YY1: variants seen among roughly 807,000 people sequenced by gnomAD.
The protein encoded by YY1 is transcriptional repressor protein YY1.
A neutral mutation model predicts 35.6 loss-of-function variants in YY1; 2 were observed. That is an observed-to-expected ratio of 0.06 (90% CI 0.02 to 0.18). YY1 has a LOEUF of 0.18. Among genes scored for constraint, YY1 ranks in the 10% least tolerant of loss-of-function variants. YY1 has a pLI of 1.00. For missense variants in YY1, 322 were observed against 573.4 expected (o/e 0.56, Z 4.48); for synonymous variants, 268 against 238.9 (o/e 1.12, Z -1.12).
intron 2 of YY1, among the ~76,000 whole-genome samples, chr14:100,272,314 G>C (rs1227526243): frequency 6.7e-6 from 1 of 150,042 alleles, no homozygotes; most frequent in Non-Finnish European, 1.5e-5. Flanking sequence ...AAAAAAGAAA[G>C]AAAAGGAAAA....
chr14:100,249,312 G>T (rs560853090), intron 1 of YY1, among the ~76,000 whole-genome samples: 27 of 151,484 alleles, frequency 1.8e-4, no homozygotes, highest in Admixed American at 1.1e-3. Flanking sequence ...GTAGAGATGG[G>T]GTTGCACCAT....
chr14:100,266,169 T>TC (rs1028964022), intron 2 of YY1, among the ~76,000 whole-genome samples: 2 of 151,586 alleles, frequency 1.3e-5, no homozygotes, highest in African/African-American at 2.4e-5. Context: ...TTCAGTTACC[T>TC]CCCCCCGGGT....
intron 2 of YY1, among the ~76,000 whole-genome samples, chr14:100,269,859 A>G (rs1891208224): frequency 6.6e-6 from 1 of 152,208 alleles, no homozygotes; most frequent in African/African-American, 2.4e-5. Context: ...CATTTTAAGA[A>G]AAAATAATAC....
chr14:100,271,674 C>CT (rs202133438), intron 2 of YY1, among the ~76,000 whole-genome samples: 184 of 146,664 alleles, frequency 1.3e-3, no homozygotes, highest in African/African-American at 3.0e-3. Flanking sequence ...CAATTCTGTA[C>CT]TTTTTTTTTT....
chr14:100,249,993 G>A lies in YY1; in HGVS notation c.679+10070G>A, dbSNP rs144025460. Among the ~76,000 whole-genome samples, 74 of 152,142 alleles carry A rather than the reference G, an allele frequency of 4.9e-4. 2 individuals are homozygous for A. Among genetic ancestry groups the A allele is most frequent in the African/African-American group, 1.5e-3 (64 of 41,510 alleles). On this transcript the variant is annotated intron_variant, in intron 1 of 4. Coordinates refer to ENST00000262238, the MANE Select transcript of YY1 (RefSeq NM_003403.5). Reference sequence around the variant, plus strand: ...TCTGCATGTTGGTCAGGCTGGTCTCGAACTCCCGACCTCAGGTGATCTGTC... The same window carrying A: ...TCTGCATGTTGGTCAGGCTGGTCTCAAACTCCCGACCTCAGGTGATCTGTC...
rs1891397989 is a variant in YY1 at position 100,280,351 on chromosome 14, C to G, written c.*2751C>G. 6.6e-6 allele frequency: 1 copy of G among 152,156 alleles called. No individual in the cohort carries two copies. Among genetic ancestry groups the G allele is most frequent in the South Asian group, 2.1e-4 (1 of 4,832 alleles). 9.4% of individuals were successfully genotyped at this position (152,156 alleles called of 1,614,324 possible). A position where few individuals can be genotyped will look rare whatever the true frequency, so the allele number is the denominator to read the frequency against. On this transcript the variant is annotated 3_prime_UTR_variant, in exon 5 of 5. Coordinates refer to ENST00000262238, the MANE Select transcript of YY1 (RefSeq NM_003403.5). ...TCTGAGCAGAAATAAATGCATGTTT[C>G]TAGCATATGTAATATAAAAACTCCA... is the stretch of plus-strand genomic sequence containing the variant.
chr14:100,266,744 G>A (rs1251571765), intron 2 of YY1, among the ~76,000 whole-genome samples: 4 of 152,160 alleles, frequency 2.6e-5, no homozygotes, highest in Non-Finnish European at 5.9e-5. Context: ...TTCAGTAGCA[G>A]GGGATAATTA....
At chr14:100,240,983 T>A (rs1890730920) in intron 1 of YY1, among the ~76,000 whole-genome samples, 1 of 152,226 alleles carries the variant, frequency 6.6e-6, no homozygotes, top group Admixed American at 6.5e-5. Flanking sequence ...TTTTGAGTTT[T>A]GTTTTACTGT....
At chr14:100,243,212 G>GA (rs1294104837) in intron 1 of YY1, among the ~76,000 whole-genome samples, 2 of 152,240 alleles carry the variant, frequency 1.3e-5, no homozygotes, top group East Asian at 3.8e-4. Flanking sequence ...GTGGAGAAAT[G>GA]AAAGTGGGTT....
In YY1 at chr14:100,277,635, G is replaced by C. The variant is rs1213307101; in HGVS notation, c.*35G>C. 1 of 1,604,672 alleles carries C rather than the reference G, an allele frequency of 6.2e-7. No individual in the cohort carries two copies. The highest frequency in any genetic ancestry group is 1.7e-5 in the Admixed American group (1 of 59,776). On this transcript the variant is annotated 3_prime_UTR_variant, in exon 5 of 5. Coordinates refer to ENST00000262238, the MANE Select transcript of YY1 (RefSeq NM_003403.5). This position sits in a 1 kb window ranked among gnomAD's most constrained non-coding sequence, Gnocchi z 5.6. ...AGAAGACCCTTCTCGACCACGGGAA[G>C]CATCTTCCAGAAGTGTGATTGGGAA...
intron 2 of YY1, among the ~76,000 whole-genome samples, chr14:100,267,747 C>T (rs530715928): frequency 1.3e-5 from 2 of 152,298 alleles, no homozygotes; most frequent in South Asian, 2.1e-4. Flanking sequence ...TGGTCTCGAT[C>T]TCTCGACCTC....
At chr14:100,262,668 G>A (rs1182590299) in intron 2 of YY1, among the ~76,000 whole-genome samples, 1 of 152,152 alleles carries the variant, frequency 6.6e-6, no homozygotes, top group Non-Finnish European at 1.5e-5. Context: ...CCAGACTGGA[G>A]TGCAGTGGTG....
intron 1 of YY1, among the ~76,000 whole-genome samples, chr14:100,249,100 ATTTTTTTTTTT>A (rs60088505): frequency 0.02 from 919 of 46,804 alleles, 12 homozygotes; most frequent in African/African-American, 0.06. Flanking sequence ...TTCTCGTGTA[ATTTTTTTTTTT>A]TTTTTTTTTT....
Position 100,239,881 on chromosome 14 carries a change from A to G in YY1, c.637A>G (p.Lys213Glu). Residue 213 changes from lysine (K) to glutamate (E), a missense_variant, in exon 1 of 5, where the codon AAG (lysine) becomes GAG (glutamate). Lys to Glu is a moderately conservative substitution (Grantham distance 56, BLOSUM62 1). Around this residue, in one of 4 missense-constraint regions of YY1, gnomAD observed 152 missense variants for 167.1 expected, o/e 0.91. Coordinates refer to ENST00000262238, the MANE Select transcript of YY1 (RefSeq NM_003403.5). The stretch of plus-strand genomic sequence containing the variant: ...GTGGGAGCAGAAGCAGGTGCAGATC[A>G]AGACCCTGGAGGGCGAGTTCTCGGT... ...KKWEQKQVQI[K>E]TLEGEFSVTM... 6.5e-7 allele frequency: 1 copy of G among 1,529,642 alleles called. No homozygotes were observed. The highest frequency in any genetic ancestry group is 1.2e-5 in the South Asian group (1 of 82,338). The allele number at this position is 1,529,642 out of a possible 1,614,324, so 94.8% of individuals were successfully genotyped here. A position where few individuals can be genotyped will look rare whatever the true frequency, so the allele number is the denominator to read the frequency against.
chr14:100,274,625 G>A lies in YY1; in HGVS notation c.843-73G>A, dbSNP rs149367448. 14 of 1,320,586 alleles carry A rather than the reference G, an allele frequency of 1.1e-5. No individual in the cohort carries two copies. In the African/African-American group the frequency reaches 2.0e-4, roughly 19 times the overall value. 81.8% of individuals were successfully genotyped at this position (1,320,586 alleles called of 1,614,324 possible). On this transcript the variant is annotated intron_variant, in intron 2 of 4. Transcript: ENST00000262238. The stretch of plus-strand genomic sequence containing the variant: ...GTACCTATAAGGAAAGCATTTTAGG[G>A]ACTATATGATTTATGCCAGTTGAGT...
intron 1 of YY1, among the ~76,000 whole-genome samples, chr14:100,253,168 TGACCTATAGTGGGTCCA>T (rs1233621234): frequency 1.3e-5 from 2 of 152,234 alleles, no homozygotes; most frequent in Non-Finnish European, 2.9e-5. Flanking sequence ...AATTTTTTAA[TGACCTATAGTGGGTCCA>T]GACAATTTTT....
chr14:100,247,466 C>T (rs1335334230), intron 1 of YY1, among the ~76,000 whole-genome samples: 3 of 151,486 alleles, frequency 2.0e-5, no homozygotes, highest in African/African-American at 4.9e-5. Flanking sequence ...ATTGCAGCCT[C>T]GACCTCCTGG....
chr14:100,245,607 G>A (rs1187410680), intron 1 of YY1, among the ~76,000 whole-genome samples: 1 of 151,890 alleles, frequency 6.6e-6, no homozygotes, highest in Non-Finnish European at 1.5e-5. Flanking sequence ...TTGTTGTGGG[G>A]TTTTTTGGGT....
At chr14:100,242,422 T>C (rs1890763880) in intron 1 of YY1, among the ~76,000 whole-genome samples, 1 of 138,968 alleles carries the variant, frequency 7.2e-6, no homozygotes, top group African/African-American at 2.6e-5. Flanking sequence ...GGAGTCTCGC[T>C]CTGTCGCCCA....
Sources: allele counts gnomAD v4.1 joint callset (sites outside exome capture counted in the v4.1 genomes callset), GRCh38; gene constraint gnomAD v4.1.1; regional missense constraint gnomAD v4.1.1; non-coding constraint Gnocchi (gnomAD v3.1); transcripts MANE v1.5; gene names NCBI Gene and HGNC (gene_info 2026-07-23, HGNC 2026-07-21).